TAFA4: variants seen among roughly 807,000 people sequenced by gnomAD.
The protein encoded by TAFA4 is TAFA chemokine like family member 4.
TAFA4 carries 20 observed loss-of-function variants against 21.1 expected under a neutral mutation model. That is an observed-to-expected ratio of 0.95 (90% CI 0.67 to 1.38). The LOEUF (loss-of-function observed/expected upper bound fraction) is 1.38, where lower values mean the gene tolerates loss of function less well. TAFA4 is among the 40% of genes most tolerant of loss of function. TAFA4 has a pLI of 0.00. For missense variants in TAFA4, 211 were observed against 180.9 expected, an observed-to-expected ratio of 1.17 and a Z score of -0.95; for synonymous variants, 71 against 67.4, an observed-to-expected ratio of 1.05 and a Z score of -0.26.
chr3:68,862,454 G>A (rs967098148), intron 3 of TAFA4, among the ~76,000 whole-genome samples: 13 of 152,094 alleles, frequency 8.5e-5, no homozygotes, highest in African/African-American at 3.1e-4. Flanking sequence ...ACCACATAAT[G>A]GTTCTCACAA....
intron 3 of TAFA4, among the ~76,000 whole-genome samples, chr3:68,766,009 G>A (rs1702847611): frequency 6.6e-6 from 1 of 152,080 alleles, no homozygotes; most frequent in Non-Finnish European, 1.5e-5. Context: ...GTACAATGCT[G>A]GGAGAAAGTC....
intron 3 of TAFA4, among the ~76,000 whole-genome samples, chr3:68,755,776 C>G (rs1455017935): frequency 1.3e-5 from 2 of 152,184 alleles, no homozygotes; most frequent in African/African-American, 4.8e-5. Context: ...AGTAAACTTG[C>G]AAACAGACTC....
chr3:68,929,688 C>G (rs1280682775), intron 1 of TAFA4, among the ~76,000 whole-genome samples: 4 of 152,136 alleles, frequency 2.6e-5, no homozygotes, highest in Admixed American at 6.5e-5. Flanking sequence ...GAAGAAAGCA[C>G]AAGGGGGAAA....
intron 3 of TAFA4, among the ~76,000 whole-genome samples, chr3:68,761,149 C>T (rs1702749124): frequency 1.3e-5 from 2 of 152,262 alleles, no homozygotes; most frequent in African/African-American, 2.4e-5. Flanking sequence ...TCTTGCATTT[C>T]GCATGTGTAA....
At chr3:68,838,167 G>A (rs546855393) in intron 3 of TAFA4, among the ~76,000 whole-genome samples, 11 of 151,962 alleles carry the variant, frequency 7.2e-5, no homozygotes, top group Non-Finnish European at 1.6e-4. Context: ...GAAAGTAACA[G>A]CAAAAAACCC....
At chr3:68,832,972 AC>A (rs1188126044) in intron 3 of TAFA4, among the ~76,000 whole-genome samples, 1 of 152,210 alleles carries the variant, frequency 6.6e-6, no homozygotes, top group African/African-American at 2.4e-5. Context: ...CTGCTGTGCT[AC>A]CAGCGAGCAA....
At chr3:68,760,298 A>C (rs1379607964) in intron 3 of TAFA4, among the ~76,000 whole-genome samples, 1 of 152,204 alleles carries the variant, frequency 6.6e-6, no homozygotes, top group African/African-American at 2.4e-5. Context: ...GAAAAGTTTC[A>C]AACAATAGAA....
At chr3:68,789,068 C>T (rs938857720) in intron 3 of TAFA4, among the ~76,000 whole-genome samples, 1 of 151,718 alleles carries the variant, frequency 6.6e-6, no homozygotes, top group Admixed American at 6.6e-5. Flanking sequence ...CCCGTCTCTA[C>T]TAAAAATACA....
intron 3 of TAFA4, among the ~76,000 whole-genome samples, chr3:68,862,547 A>T (rs2089358035): frequency 1.3e-5 from 2 of 152,078 alleles, no homozygotes; most frequent in African/African-American, 2.4e-5. Flanking sequence ...TGGGATAGTC[A>T]TCGACAGAGA....
intron 3 of TAFA4, among the ~76,000 whole-genome samples, chr3:68,808,029 A>T (rs954801508): frequency 6.6e-6 from 1 of 152,038 alleles, no homozygotes; most frequent in African/African-American, 2.4e-5. Context: ...TATATAGATT[A>T]TATTATGTGT....
At chr3:68,907,549 C>T (rs1245220038) in intron 1 of TAFA4, among the ~76,000 whole-genome samples, 3 of 152,204 alleles carry the variant, frequency 2.0e-5, no homozygotes, top group Admixed American at 6.5e-5. Flanking sequence ...ACAGTGACAG[C>T]AAGTGCAGTT....
intron 3 of TAFA4, among the ~76,000 whole-genome samples, chr3:68,855,419 G>A (rs994258625): frequency 2.6e-5 from 4 of 152,078 alleles, no homozygotes; most frequent in Non-Finnish European, 4.4e-5. Flanking sequence ...ACAGTTATAA[G>A]AATGTACTTT....
At chr3:68,832,671 T>C (rs1313230088) in intron 3 of TAFA4, among the ~76,000 whole-genome samples, 1 of 152,208 alleles carries the variant, frequency 6.6e-6, no homozygotes, top group African/African-American at 2.4e-5. Flanking sequence ...AGTCTGTCCA[T>C]TATCAGAGCT....
chr3:68,790,354 C>T (rs1002180270), intron 3 of TAFA4, among the ~76,000 whole-genome samples: 4 of 151,418 alleles, frequency 2.6e-5, no homozygotes, highest in African/African-American at 9.7e-5. Context: ...TAAAAGAAAG[C>T]AGGAAATGGG....
Position 68,856,421 on chromosome 3 carries a change from C to A in TAFA4, c.130+24309G>T, listed in dbSNP as rs535709318. Among the ~76,000 whole-genome samples the A allele has an allele frequency of 5.4e-4, 82 of 152,232 alleles. 1 individual carries two copies. In the South Asian group the frequency reaches 0.014, roughly 27 times the overall value. On this transcript the variant is annotated intron_variant, in intron 3 of 5. Transcript: ENST00000295569. ...AAGATAGGCACCACAGTTGCTTATA[C>A]AACATTACTCTCCAAAGATTATATT...
intron 3 of TAFA4, among the ~76,000 whole-genome samples, chr3:68,859,713 A>G (rs975487367): frequency 1.3e-5 from 2 of 152,150 alleles, no homozygotes; most frequent in Non-Finnish European, 2.9e-5. Context: ...AGCAGCACTA[A>G]GGCTGTGGCC....
At chr3:68,864,556 C>T (rs1001595252) in intron 3 of TAFA4, among the ~76,000 whole-genome samples, 1 of 152,082 alleles carries the variant, frequency 6.6e-6, no homozygotes, top group Non-Finnish European at 1.5e-5. Context: ...GTCAAACATA[C>T]ACCTACCATA....
intron 3 of TAFA4, among the ~76,000 whole-genome samples, chr3:68,855,890 A>G (rs1705058455): frequency 6.6e-6 from 1 of 152,064 alleles, no homozygotes; most frequent in Non-Finnish European, 1.5e-5. Flanking sequence ...TGACAGAAAG[A>G]GCCAAGCTCA....
chr3:68,918,743 G>A (rs572734962), intron 1 of TAFA4, among the ~76,000 whole-genome samples: 36 of 152,238 alleles, frequency 2.4e-4, no homozygotes, highest in Middle Eastern at 3.4e-3. Flanking sequence ...GTTTCACCAT[G>A]TTGCCCAGAT....
Sources: allele counts gnomAD v4.1 joint callset (sites outside exome capture counted in the v4.1 genomes callset), GRCh38; gene constraint gnomAD v4.1.1; transcripts MANE v1.5; gene names NCBI Gene and HGNC (gene_info 2026-07-23, HGNC 2026-07-21).